Variants in POTEC observed in about 807,000 individuals in gnomAD.
The protein encoded by POTEC is POTE ankyrin domain family member C, also known as ANKRD26-like family B member 2.
Under a neutral mutation model 62.0 loss-of-function variants are expected in POTEC, and 35 were observed. That is an observed-to-expected ratio of 0.56 (90% CI 0.43 to 0.75). The LOEUF (loss-of-function observed/expected upper bound fraction) is 0.75. Ranked by LOEUF, POTEC falls within the 30% of genes least tolerant of loss-of-function variation. POTEC has a pLI of 0.00. For missense variants in POTEC, 472 were observed against 655.9 expected (o/e 0.72, Z 3.06); for synonymous variants, 156 against 221.5 (o/e 0.70, Z 2.62).
At chr18:14,513,138 G>A (rs1234718661) in intron 10 of POTEC, among the ~76,000 whole-genome samples, 1 of 151,540 alleles carries the variant, frequency 6.6e-6, no homozygotes, top group African/African-American at 2.4e-5. Context: ...TGTTTTCAAA[G>A]CTCTTTGCAT....
chr18:14,542,561 C>A (rs1220249081), intron 1 of POTEC, 65 bp downstream of exon 1: 10 of 1,604,810 alleles, frequency 6.2e-6, no homozygotes, highest in Admixed American at 5.0e-5. Flanking sequence ...TCCCTCCCTG[C>A]GCCAGGAGGG....
At chr18:14,540,391 G>A (rs1179178037) in intron 1 of POTEC, among the ~76,000 whole-genome samples, 2 of 152,014 alleles carry the variant, frequency 1.3e-5, no homozygotes, top group African/African-American at 2.4e-5. Context: ...TAAGAGAAAG[G>A]GAAAAACTTC....
intron 10 of POTEC, among the ~76,000 whole-genome samples, chr18:14,513,028 T>G (rs943243170): frequency 6.6e-6 from 1 of 152,274 alleles, no homozygotes; most frequent in African/African-American, 2.4e-5. Context: ...TGAAACATTA[T>G]AGTAGTAAGT....
intron 9 of POTEC, among the ~76,000 whole-genome samples, chr18:14,515,599 T>C (rs1910125197): frequency 6.6e-6 from 1 of 151,838 alleles, no homozygotes; most frequent in African/African-American, 2.4e-5. Flanking sequence ...CCTAGGCAAA[T>C]AATTTATGAT....
In POTEC at chr18:14,537,834, G is replaced by A. The variant is rs749779216; in HGVS notation, c.777C>T (p.Leu259=). Residue 259 remains leucine (L), a synonymous_variant, in exon 3 of 11, where the codon CTC becomes CTT. Coordinates refer to ENST00000358970, the MANE Select transcript of POTEC (RefSeq NM_001137671.2). ...NEDKLMAKAL[L]LYGADIESKN... The stretch of plus-strand genomic sequence containing the variant: ...TTGATTCAATATCAGCACCATATAA[G>A]AGCAGTGCTTTGGCCATTAATTTAT... 3 of 1,611,736 alleles carry A rather than the reference G, an allele frequency of 1.9e-6. No homozygotes were observed. The highest frequency in any genetic ancestry group is 4.5e-5 in the East Asian group (2 of 44,868).
chr18:14,534,885 A>C lies in POTEC; in HGVS notation c.917+16T>G. 1 of 1,540,778 alleles carries C rather than the reference A, an allele frequency of 6.5e-7. No individual in the cohort carries two copies. Among genetic ancestry groups the C allele is most frequent in the Non-Finnish European group, 8.7e-7 (1 of 1,147,372 alleles). On this transcript the variant is annotated intron_variant, in intron 4 of 10. Coordinates refer to ENST00000358970, the MANE Select transcript of POTEC (RefSeq NM_001137671.2). Reference sequence around the variant, plus strand: ...TCAATCTAGAACAACACACAGATTAAAAGAAATAACCATACCTTCCATATC... The same window carrying C: ...TCAATCTAGAACAACACACAGATTACAAGAAATAACCATACCTTCCATATC...
rs140851486 is a variant in POTEC at position 14,507,979 on chromosome 18, C to A, written c.*3919G>T. 6.6e-6 allele frequency: 1 copy of A among 152,136 alleles called. No individual in the cohort carries two copies. Among genetic ancestry groups the A allele is most frequent in the Admixed American group, 6.5e-5 (1 of 15,268 alleles). The allele number at this position is 152,136 out of a possible 1,614,324, so 9.4% of individuals were successfully genotyped here. On this transcript the variant is annotated 3_prime_UTR_variant, in exon 11 of 11. Transcript: ENST00000358970. ...CCTTTGCAGGTGATGTTGCCTTTCT[C>A]CCTAGCTGCCTTTAACATTTTTTCT... is the stretch of plus-strand genomic sequence containing the variant.
chr18:14,519,509 G>A (rs1212794290), intron 9 of POTEC, among the ~76,000 whole-genome samples: 3 of 152,122 alleles, frequency 2.0e-5, no homozygotes, highest in Non-Finnish European at 4.4e-5. Context: ...CTGAGGTCAG[G>A]AGTTTGAAAC....
rs570821460 is a variant in POTEC at position 14,535,644 on chromosome 18, TG to T, written c.811-638del. 1.8e-3 allele frequency among the ~76,000 whole-genome samples: 270 copies of T among 152,040 alleles called. 1 individual carries two copies. The highest frequency in any genetic ancestry group is 3.3e-3 in the Non-Finnish European group (225 of 67,982). On this transcript the variant is annotated intron_variant, in intron 3 of 10. Transcript: ENST00000358970. ...CTCCATGGTTTTTAGTGTTTAAACC[TG>T]CCATCCTGATTAAGCCAAAGCTCTA...
In POTEC at chr18:14,537,204, CACACACAA is replaced by C. The variant is rs1234136485; in HGVS notation, c.810+589_810+596del. ...ACACACACACACACACACACACACA[CACACACAA>C]AAAAAAAAAAAAACAAAAAAAAACC... On this transcript the variant is annotated intron_variant, in intron 3 of 10. Transcript: ENST00000358970. 5.4e-4 allele frequency among the ~76,000 whole-genome samples: 42 copies of C among 77,140 alleles called. No homozygotes were observed. In the South Asian group the frequency reaches 0.018, roughly 33 times the overall value. The allele number at this position is 77,140 out of a possible 152,430, so 50.6% of individuals were successfully genotyped here.
intron 6 of POTEC, among the ~76,000 whole-genome samples, chr18:14,526,869 T>C (rs971695235): frequency 2.0e-5 from 3 of 152,254 alleles, no homozygotes; most frequent in African/African-American, 7.2e-5. Flanking sequence ...CCAAAACCAA[T>C]ATTCCTAGTG....
intron 5 of POTEC, among the ~76,000 whole-genome samples, chr18:14,531,057 C>G (rs960441074): frequency 1.1e-4 from 16 of 151,940 alleles, no homozygotes; most frequent in Non-Finnish European, 2.2e-4. Flanking sequence ...CCAAATAAAA[C>G]CCCATGTGTA....
rs1909905384 is a variant in POTEC at position 14,508,505 on chromosome 18, T to A, written c.*3393A>T. On this transcript the variant is annotated 3_prime_UTR_variant, in exon 11 of 11. Coordinates refer to ENST00000358970, the MANE Select transcript of POTEC (RefSeq NM_001137671.2). ...TACTACAATAATATTCATAATGCAA[T>A]CACACACAATCACCATGTGACTACA... 6.6e-6 allele frequency: 1 copy of A among 152,648 alleles called. No homozygotes were observed. The allele number at this position is 152,648 out of a possible 1,614,324, so 9.5% of individuals were successfully genotyped here. A position where few individuals can be genotyped will look rare whatever the true frequency, so the allele number is the denominator to read the frequency against.
At chr18:14,531,526 A>G (rs2143148961) in intron 5 of POTEC, 1 of 152,264 alleles carries the variant, frequency 6.6e-6, no homozygotes, top group Non-Finnish European at 1.5e-5. Flanking sequence ...CACATTATTC[A>G]GCTCTAAATC....
chr18:14,517,563 TA>T (rs59611244), intron 9 of POTEC, among the ~76,000 whole-genome samples: 94,922 of 131,028 alleles, frequency 0.72, 31,731 homozygotes, highest in Non-Finnish European at 0.8. Flanking sequence ...TTTTTTTTTT[TA>T]AAATAAAATA....
chr18:14,530,545 T>C lies in POTEC; in HGVS notation c.1064A>G (p.Glu355Gly). Residue 355 changes from glutamate to glycine, a missense_variant, in exon 6 of 11, where the codon GAA (glutamate) becomes GGA (glycine). By Grantham distance (98) the Glu-to-Gly change is moderately conservative. This residue lies in a region of POTEC where 83 missense variants were observed against 254.3 expected (regional missense o/e 0.33). Coordinates refer to ENST00000358970, the MANE Select transcript of POTEC (RefSeq NM_001137671.2). ...AVSSHHHVIC[E>G]LLSDYKEKQM... Reference sequence around the variant, plus strand: ...TTTTTCTTTATAGTCAGAAAGTAATTCACAAATTCTATGTATAAAAATGTA... The same window carrying C: ...TTTTTCTTTATAGTCAGAAAGTAATCCACAAATTCTATGTATAAAAATGTA... 6.3e-7 allele frequency: 1 copy of C among 1,586,608 alleles called. No individual in the cohort carries two copies. Among genetic ancestry groups the C allele is most frequent in the East Asian group, 2.3e-5 (1 of 44,196 alleles).
At chr18:14,517,910 G>A (rs953146093) in intron 9 of POTEC, among the ~76,000 whole-genome samples, 1 of 152,066 alleles carries the variant, frequency 6.6e-6, no homozygotes, top group East Asian at 1.9e-4. Flanking sequence ...GACTCAGTTT[G>A]CCATAATTAC....
intron 5 of POTEC, chr18:14,531,869 C>G (rs2143150006): frequency 6.6e-6 from 1 of 152,060 alleles, no homozygotes; most frequent in Middle Eastern, 3.4e-3. Flanking sequence ...ACTTAACCTA[C>G]TTGAGATTCT....
intron 5 of POTEC, among the ~76,000 whole-genome samples, chr18:14,530,903 T>C: frequency 6.6e-6 from 1 of 152,168 alleles, no homozygotes; most frequent in Non-Finnish European, 1.5e-5. Flanking sequence ...AATGTCTTCT[T>C]CTACAAAGTG....
Sources: allele counts gnomAD v4.1 joint callset (sites outside exome capture counted in the v4.1 genomes callset), GRCh38; gene constraint gnomAD v4.1.1; regional missense constraint gnomAD v4.1.1; transcripts MANE v1.5; gene names NCBI Gene and HGNC (gene_info 2026-07-23, HGNC 2026-07-21).